The following JAKMIP3 variants were observed in gnomAD, a reference collection of about 807,000 sequenced individuals.
JAKMIP3 encodes the protein Janus kinase and microtubule interacting protein 3.
A neutral mutation model predicts 118.5 loss-of-function variants in JAKMIP3; 58 were observed. The observed-to-expected ratio is 0.49, with a 90% CI of 0.40 to 0.61. The LOEUF (loss-of-function observed/expected upper bound fraction) is 0.61. Among genes scored for constraint, JAKMIP3 ranks in the 20% least tolerant of loss-of-function variants. The pLI, the probability that JAKMIP3 is intolerant of heterozygous loss-of-function variation, is 0.00. For synonymous variants in JAKMIP3, 486 were observed against 451.2 expected (o/e 1.08, Z -0.98); for missense variants, 950 against 1,109.0 (o/e 0.86, Z 2.04).
intron 6 of JAKMIP3, 62 bp from the exon 7 acceptor site, chr10:132,136,957 C>T: frequency 1.3e-6 from 2 of 1,564,172 alleles, no homozygotes; most frequent in South Asian, 2.4e-5. Flanking sequence ...CCCGCCGACC[C>T]ACTGTGTTCA....
chr10:132,056,049 C>T (rs1189720767), intron 1 of JAKMIP3, among the ~76,000 whole-genome samples: 1 of 152,200 alleles, frequency 6.6e-6, no homozygotes, highest in African/African-American at 2.4e-5. Context: ...CGCCCTTGCC[C>T]ATCCATTTCC....
chr10:132,146,593 C>T (rs2054653897), intron 13 of JAKMIP3, among the ~76,000 whole-genome samples: 1 of 152,200 alleles, frequency 6.6e-6, no homozygotes, highest in Non-Finnish European at 1.5e-5. Flanking sequence ...AGCGATGTCT[C>T]ACGCTGGCAG....
chr10:132,037,573 TAAACGCAGGGGTCAAAA>T (rs1456174872), intron 1 of JAKMIP3, among the ~76,000 whole-genome samples: 1 of 152,040 alleles, frequency 6.6e-6, no homozygotes, highest in African/African-American at 2.4e-5. Context: ...GGCTGAGGAT[TAAACGCAGGGGTCAAAA>T]GACCCCTGCT....
At chr10:132,038,873 G>A (rs1306626300) in intron 1 of JAKMIP3, among the ~76,000 whole-genome samples, 5 of 152,164 alleles carry the variant, frequency 3.3e-5, no homozygotes, top group East Asian at 1.9e-4. Context: ...CCTGTGTTAC[G>A]GGGTGTGGGT....
chr10:132,172,486 T>C (rs2059589858), intron 23 of JAKMIP3, among the ~76,000 whole-genome samples: 1 of 152,100 alleles, frequency 6.6e-6, no homozygotes, highest in African/African-American at 2.4e-5. Flanking sequence ...CCCTGCAGCA[T>C]GTCTTCCTGT....
chr10:132,061,341 G>A (rs1262185572), upstream of JAKMIP3, among the ~76,000 whole-genome samples: 1 of 152,202 alleles, frequency 6.6e-6, no homozygotes, highest in Non-Finnish European at 1.5e-5. Context: ...CACACGTTGT[G>A]CAAAACCTTT....
At chr10:132,077,310 C>T (rs1324074928) in intron 1 of JAKMIP3, among the ~76,000 whole-genome samples, 1 of 152,152 alleles carries the variant, frequency 6.6e-6, no homozygotes, top group Non-Finnish European at 1.5e-5. Context: ...TGTCCGGTAC[C>T]TGCACCTGGG....
At position 132,117,610 on chromosome 10, in the gene JAKMIP3, TGCAGGGGCGGGCGTGGGCGA is replaced by T; in HGVS notation, c.633+38_633+57del. The T allele has an allele frequency of 3.1e-5, 17 of 549,718 alleles. No homozygotes were observed. Among genetic ancestry groups the T allele is most frequent in the East Asian group, 1.2e-4 (1 of 8,626 alleles). The allele number at this position is 549,718 out of a possible 1,614,324, so 34.1% of individuals were successfully genotyped here. A position where few individuals can be genotyped will look rare whatever the true frequency, so the allele number is the denominator to read the frequency against. On this transcript the variant is annotated intron_variant, in intron 3 of 23. Coordinates refer to ENST00000684848, the MANE Select transcript of JAKMIP3 (RefSeq NM_001323087.2). This position sits in a 1 kb window ranked among gnomAD's most constrained non-coding sequence, Gnocchi z 8.6. ...AGGCAGGGGCGGGCGTGGGCGAGGG[TGCAGGGGCGGGCGTGGGCGA>T]GGGTGCAGGGGCGGGCGTGGGCGAG...
At chr10:132,159,424 C>CT (rs2057590682) in intron 19 of JAKMIP3, among the ~76,000 whole-genome samples, 2 of 76,650 alleles carry the variant, frequency 2.6e-5, no homozygotes, top group South Asian at 1.1e-3. Context: ...CCTGTGGATG[C>CT]CGGGGGTGTG....
At chr10:132,057,108 C>T (rs1359393020) in intron 1 of JAKMIP3, among the ~76,000 whole-genome samples, 1 of 152,160 alleles carries the variant, frequency 6.6e-6, no homozygotes, top group Non-Finnish European at 1.5e-5. Context: ...TTAGGAAGGA[C>T]TCCGGGGAAA....
chr10:132,149,466 G>C lies in JAKMIP3; in HGVS notation c.1903G>C (p.Gly635Arg). 1.9e-6 allele frequency: 3 copies of C among 1,605,504 alleles called. No homozygotes were observed. The highest frequency in any genetic ancestry group is 2.5e-6 in the Non-Finnish European group (3 of 1,177,196). ...CTTCCACCACACGCCCTTCGTGGAC[G>C]GGAAGAGCCCCCTCCAGGTGTACTG... is the stretch of plus-strand genomic sequence containing the variant. ...ISFHHTPFVD[G>R]KSPLQVYCEA... Residue 635 changes from glycine to arginine, a missense_variant, in exon 15 of 24, where the codon GGG becomes CGG. Physicochemically the swap from Gly to Arg is moderately radical, Grantham distance 125. Coordinates refer to ENST00000684848, the MANE Select transcript of JAKMIP3 (RefSeq NM_001323087.2).
At chr10:132,132,210 A>T (rs768804764) in intron 3 of JAKMIP3, among the ~76,000 whole-genome samples, 3 of 152,342 alleles carry the variant, frequency 2.0e-5, no homozygotes, top group Non-Finnish European at 4.4e-5. Context: ...TTTCCAAGCT[A>T]ATTTCAGCAA....
At chr10:132,134,119 C>T (rs1006148486) in intron 4 of JAKMIP3, among the ~76,000 whole-genome samples, 1 of 152,228 alleles carries the variant, frequency 6.6e-6, no homozygotes, top group Non-Finnish European at 1.5e-5. Flanking sequence ...CTTGCTGCCG[C>T]TCCGCACTCA....
intron 1 of JAKMIP3, among the ~76,000 whole-genome samples, chr10:132,097,946 T>TCTC (rs2044203620): frequency 8.3e-5 from 2 of 24,046 alleles, no homozygotes; most frequent in African/African-American, 2.2e-4. Flanking sequence ...CCTTTCCCTT[T>TCTC]CCCATCCCCT....
At chr10:132,064,112 G>A (rs924954643), upstream of JAKMIP3, among the ~76,000 whole-genome samples, 2 of 152,160 alleles carry the variant, frequency 1.3e-5, no homozygotes, top group African/African-American at 2.4e-5. This position sits in a 1 kb window ranked among gnomAD's most constrained non-coding sequence, Gnocchi z 4.4. Context: ...ACGTATGTGC[G>A]TTTCCCATCG....
At chr10:132,161,109 T>C (rs1328929553) in intron 19 of JAKMIP3, among the ~76,000 whole-genome samples, 2 of 46,182 alleles carry the variant, frequency 4.3e-5, no homozygotes, top group Admixed American at 3.0e-4. Context: ...CTGGGGGGGG[T>C]CTATTCCTGT....
At chr10:132,075,693 C>A (rs1458870752) in intron 1 of JAKMIP3, among the ~76,000 whole-genome samples, 1 of 152,128 alleles carries the variant, frequency 6.6e-6, no homozygotes, top group Non-Finnish European at 1.5e-5. Flanking sequence ...CTGTAATACA[C>A]CACGCCCTGC....
intron 3 of JAKMIP3, among the ~76,000 whole-genome samples, chr10:132,123,381 G>A (rs1031716045): frequency 3.3e-5 from 5 of 152,330 alleles, no homozygotes; most frequent in Middle Eastern, 3.4e-3. Context: ...AGAATTAGAC[G>A]CAAAAGCCAG....
chr10:132,152,296 T>C (rs2056356710), intron 16 of JAKMIP3, among the ~76,000 whole-genome samples: 1 of 152,152 alleles, frequency 6.6e-6, no homozygotes, highest in African/African-American at 2.4e-5. Flanking sequence ...GACAGGGCTT[T>C]TGGAGTGAGC....
Sources: allele counts gnomAD v4.1 joint callset (sites outside exome capture counted in the v4.1 genomes callset), GRCh38; gene constraint gnomAD v4.1.1; non-coding constraint Gnocchi (gnomAD v3.1); transcripts MANE v1.5; gene names NCBI Gene and HGNC (gene_info 2026-07-23, HGNC 2026-07-21).